Variants in EIF3B observed in about 807,000 individuals in gnomAD.
EIF3B encodes eukaryotic translation initiation factor 3 subunit 9.
In EIF3B, 10 loss-of-function variants were observed where a neutral mutation model predicts 104.6. The observed-to-expected ratio is 0.10, with a 90% CI of 0.06 to 0.16. EIF3B has a LOEUF of 0.16. Ranked by LOEUF, EIF3B falls within the 10% of genes least tolerant of loss-of-function variation. The probability of loss-of-function intolerance (pLI) is 1.00; values close to 1 mark genes in which losing one functional copy is unlikely to be tolerated. For synonymous variants in EIF3B, 542 were observed against 417.2 expected (o/e 1.30, Z -3.65); for missense variants, 1,014 against 1,087.9 (o/e 0.93, Z 0.96).
At chr7:2,361,197 C>G (rs1779707312) in intron 2 of EIF3B, among the ~76,000 whole-genome samples, 1 of 152,122 alleles carries the variant, frequency 6.6e-6, no homozygotes, top group Non-Finnish European at 1.5e-5. Context: ...TTGGAGGCTG[C>G]AGTGAGCTAT....
intron 1 of EIF3B, 49 bp downstream of exon 1, chr7:2,355,469 G>C: frequency 7.1e-7 from 1 of 1,401,194 alleles, no homozygotes; most frequent in Non-Finnish European, 9.3e-7. Flanking sequence ...AGCGTGGCTG[G>C]GGTTCCCGAG....
At chr7:2,354,764 G>T, upstream of EIF3B, 2 of 622,534 alleles carry the variant, frequency 3.2e-6, no homozygotes, top group Non-Finnish European at 4.1e-6. Context: ...CGTTCGTGAG[G>T]CCCCAGGGCG....
chr7:2,356,127 C>T (rs200960340), intron 1 of EIF3B, among the ~76,000 whole-genome samples: 2 of 152,142 alleles, frequency 1.3e-5, no homozygotes, highest in East Asian at 3.8e-4. Flanking sequence ...GAGCTGGTCT[C>T]ATTTGTTTTT....
chr7:2,369,761 A>G, intron 10 of EIF3B, 79 bp downstream of exon 10: 1 of 689,912 alleles, frequency 1.4e-6, no homozygotes, highest in Non-Finnish European at 2.2e-6. Flanking sequence ...GAGGGTGTTA[A>G]TGGATTTTTT....
At chr7:2,367,916 A>T (rs907011782) in intron 9 of EIF3B, among the ~76,000 whole-genome samples, 1 of 118,432 alleles carries the variant, frequency 8.4e-6, no homozygotes, top group Admixed American at 1.2e-4. Flanking sequence ...ATCTTGGCTC[A>T]CTGCAATTTC....
intron 4 of EIF3B, 126 bp downstream of exon 4, chr7:2,363,253 G>A: frequency 1.1e-6 from 1 of 941,108 alleles, no homozygotes; most frequent in Admixed American, 1.8e-5. Flanking sequence ...AGGAATTCAA[G>A]ACCAGCCTGG....
Position 2,371,693 on chromosome 7 carries a change from A to G in EIF3B, c.1615-84A>G, listed in dbSNP as rs115612413. ...ACCAGGCATGCACACTGAATCTTTCATTGTGACGTTGATCTTTGATTTAAA... is the reference window on the plus strand; with the variant it reads ...ACCAGGCATGCACACTGAATCTTTCGTTGTGACGTTGATCTTTGATTTAAA... On this transcript the variant is annotated intron_variant, in intron 10 of 18. Transcript: ENST00000360876. The G allele has an allele frequency of 9.0e-4, 991 of 1,098,852 alleles. 8 individuals carry two copies. The African/African-American group carries it at 0.013, about 15-fold the overall frequency. The allele number at this position is 1,098,852 out of a possible 1,614,324, so 68.1% of individuals were successfully genotyped here. A position where few individuals can be genotyped will look rare whatever the true frequency, so the allele number is the denominator to read the frequency against.
intron 17 of EIF3B, 41 bp downstream of exon 17, chr7:2,379,283 C>T (rs527350160): frequency 8.3e-5 from 132 of 1,582,420 alleles, no homozygotes; most frequent in East Asian, 1.6e-4. Flanking sequence ...CTGGCCCTTA[C>T]GCTGCCCCTG....
intron 1 of EIF3B, among the ~76,000 whole-genome samples, chr7:2,359,567 G>A (rs1010729802): frequency 2.6e-5 from 4 of 152,154 alleles, no homozygotes; most frequent in African/African-American, 7.2e-5. Flanking sequence ...TGTAACGTCC[G>A]TTATAATAAG....
intron 2 of EIF3B, among the ~76,000 whole-genome samples, chr7:2,361,495 C>G (rs1486648098): frequency 1.3e-5 from 2 of 152,142 alleles, no homozygotes; most frequent in Non-Finnish European, 2.9e-5. Context: ...TCTCGGCTCA[C>G]TGAAAGCTCC....
Position 2,360,902 on chromosome 7 carries a change from G to A in EIF3B, c.692G>A (p.Gly231Glu). The change falls in exon 2 of 19, where the codon GGG (glycine) becomes GAG (glutamate). Residue 231 changes from glycine (G) to glutamate (E), a missense_variant and splice_region_variant. This residue lies in a region of EIF3B where 488 missense variants were observed against 404.3 expected (regional missense o/e 1.21). Coordinates refer to ENST00000360876, the MANE Select transcript of EIF3B (RefSeq NM_001037283.2). Reference sequence around the variant, plus strand: ...CCTGAAGAGGATGGGAAGACAAAAGGGTGAGTGTTCTCCTGTTGGAGAAGT... The same window carrying A: ...CCTGAAGAGGATGGGAAGACAAAAGAGTGAGTGTTCTCCTGTTGGAGAAGT... ...FYPEEDGKTK[G>E]YIFLEYASPA... 1 of 1,605,518 alleles carries A rather than the reference G, an allele frequency of 6.2e-7. No homozygotes were observed. Among genetic ancestry groups the A allele is most frequent in the Non-Finnish European group, 8.5e-7 (1 of 1,172,770 alleles).
intron 11 of EIF3B, chr7:2,372,133 G>A (rs4719519): frequency 0.25 from 98,949 of 400,256 alleles, 14,928 homozygotes; most frequent in African/African-American, 0.52. Flanking sequence ...CTTGAGCCCA[G>A]GAGCAGAGGT....
At chr7:2,370,548 G>A (rs1001557873) in intron 10 of EIF3B, among the ~76,000 whole-genome samples, 2 of 152,150 alleles carry the variant, frequency 1.3e-5, no homozygotes, top group African/African-American at 4.8e-5. Context: ...TGTTAAGAAA[G>A]CTTTAATTGA....
At chr7:2,355,921 G>C (rs1011729932) in intron 1 of EIF3B, among the ~76,000 whole-genome samples, 67 of 152,216 alleles carry the variant, frequency 4.4e-4, no homozygotes, top group African/African-American at 1.5e-3. Flanking sequence ...GACTTCCTTA[G>C]TGGGACAGGC....
At chr7:2,369,226 G>A (rs1041601883) in intron 9 of EIF3B, among the ~76,000 whole-genome samples, 3 of 152,170 alleles carry the variant, frequency 2.0e-5, no homozygotes, top group South Asian at 2.1e-4. Context: ...GTGATGGTGG[G>A]GTTGCTAATA....
intron 1 of EIF3B, among the ~76,000 whole-genome samples, chr7:2,358,613 A>T (rs1779580136): frequency 6.6e-6 from 1 of 151,974 alleles, no homozygotes; most frequent in Non-Finnish European, 1.5e-5. Flanking sequence ...TGCAACCTCC[A>T]TCTCCTGGGT....
upstream of EIF3B, among the ~76,000 whole-genome samples, chr7:2,354,480 C>G (rs1016891070): frequency 3.3e-5 from 5 of 152,200 alleles, no homozygotes; most frequent in African/African-American, 1.2e-4. Context: ...GGACATTTTC[C>G]TAGCATTCCG....
At chr7:2,363,365 G>T (rs563843032) in intron 4 of EIF3B, among the ~76,000 whole-genome samples, 3 of 151,978 alleles carry the variant, frequency 2.0e-5, no homozygotes, top group African/African-American at 7.3e-5. Context: ...AGGCTGAGGG[G>T]GGAGGATCAC....
intron 11 of EIF3B, 115 bp downstream of exon 11, chr7:2,371,964 C>T (rs1780365745): frequency 2.4e-6 from 2 of 824,580 alleles, no homozygotes; most frequent in Non-Finnish European, 4.2e-6. Context: ...ACTGTGAGCC[C>T]TCACCATGAA....
Sources: gnomAD v4.1 joint callset for allele counts (sites outside exome capture counted in the v4.1 genomes callset) on GRCh38, gnomAD v4.1.1 for gene constraint, gnomAD v4.1.1 regional missense constraint, MANE v1.5 for transcripts, NCBI Gene and HGNC (gene_info 2026-07-23, HGNC 2026-07-21) for gene names.